Variants in PHLDB2 observed in about 807,000 individuals in gnomAD.
The protein encoded by PHLDB2 is pleckstrin homology like domain family B member 2.
PHLDB2 carries 71 observed loss-of-function variants against 123.6 expected under a neutral mutation model. That is an observed-to-expected ratio of 0.57 (90% confidence interval 0.47 to 0.70). The LOEUF (loss-of-function observed/expected upper bound fraction) is 0.70, where lower values mean the gene tolerates loss of function less well. Ranked by LOEUF, PHLDB2 falls within the 30% of genes least tolerant of loss-of-function variation. The pLI, the probability that PHLDB2 is intolerant of heterozygous loss-of-function variation, is 0.00. For synonymous variants in PHLDB2, 547 were observed against 541.6 expected (o/e 1.01, Z -0.14); for missense variants, 1,446 against 1,519.5 (o/e 0.95, Z 0.80).
chr3:111,866,276 A>G (rs932412554), intron 1 of PHLDB2, among the ~76,000 whole-genome samples: 1 of 151,912 alleles, frequency 6.6e-6, no homozygotes, highest in Non-Finnish European at 1.5e-5. Context: ...CCTCAGCATC[A>G]CAGAGTGCTG....
chr3:111,793,411 T>C (rs760040747), intron 1 of PHLDB2, among the ~76,000 whole-genome samples: 5 of 152,112 alleles, frequency 3.3e-5, no homozygotes, highest in Non-Finnish European at 5.9e-5. Context: ...CTGTTAGATC[T>C]GGGTCTCTCC....
intron 1 of PHLDB2, among the ~76,000 whole-genome samples, chr3:111,810,583 T>G (rs1308948138): frequency 6.6e-6 from 1 of 152,126 alleles, no homozygotes; most frequent in Non-Finnish European, 1.5e-5. Context: ...TAGGACCCCA[T>G]TCTTATGACC....
chr3:111,854,948 G>C (rs1347882660), upstream of PHLDB2, among the ~76,000 whole-genome samples: 1 of 152,200 alleles, frequency 6.6e-6, no homozygotes, highest in Non-Finnish European at 1.5e-5. Flanking sequence ...AATGCTCTGT[G>C]AATCTGCCCA....
At chr3:111,859,702 T>G (rs1329664670) in intron 1 of PHLDB2, 126 bp downstream of exon 1, 2 of 983,948 alleles carry the variant, frequency 2.0e-6, no homozygotes, top group African/African-American at 3.5e-5. Flanking sequence ...CTGCGGAGGG[T>G]TGGGGGCGGA....
In PHLDB2 at chr3:111,843,363, C is replaced by T. The variant is rs149722402; in HGVS notation, c.-48-2458C>T. 2.6e-3 allele frequency among the ~76,000 whole-genome samples: 398 copies of T among 152,294 alleles called. 1 individual carries two copies. Among genetic ancestry groups the T allele is most frequent in the African/African-American group, 7.2e-3 (298 of 41,550 alleles). On this transcript the variant is annotated intron_variant, in intron 1 of 17. Coordinates refer to the PHLDB2 transcript ENST00000393923. ...CTAAAGATGTTCAGTATATCTCCTTCGGAGCAATGTCTACTCAAATCCTTT... is the reference window on the plus strand; with the variant it reads ...CTAAAGATGTTCAGTATATCTCCTTTGGAGCAATGTCTACTCAAATCCTTT...
rs1312684981 is a variant in PHLDB2 at position 111,932,269 on chromosome 3, G to T, written c.2002G>T (p.Glu668Ter). 1 of 1,550,696 alleles carries T rather than the reference G, an allele frequency of 6.4e-7. No individual in the cohort carries two copies. The highest frequency in any genetic ancestry group is 8.7e-7 in the Non-Finnish European group (1 of 1,146,448). The part of the protein sequence containing the change: ...EKNIVGEKTK[E>*]KVKLDAEREK... ...CTATTTTCTGGTTTCTGAACTTCAG[G>T]AGAAGGTAAAGCTTGATGCTGAAAG... Residue 668 changes from glutamate to a stop codon, truncating the protein, a stop_gained and splice_region_variant, in exon 6 of 18, where the codon GAG (glutamate) becomes TAG (stop). Coordinates refer to ENST00000431670, the MANE Select transcript of PHLDB2 (RefSeq NM_001134438.2). LOFTEE classifies it high-confidence loss of function.
At chr3:111,973,165 A>G (rs1214138593) in intron 16 of PHLDB2, among the ~76,000 whole-genome samples, 1 of 152,180 alleles carries the variant, frequency 6.6e-6, no homozygotes, top group East Asian at 1.9e-4. Context: ...ATGTGATGAA[A>G]TCTTTGAAAA....
intron 1 of PHLDB2, among the ~76,000 whole-genome samples, chr3:111,757,960 A>T (rs1299785437): frequency 6.6e-6 from 1 of 152,014 alleles, no homozygotes; most frequent in African/African-American, 2.4e-5. Flanking sequence ...GTTCCTCTGG[A>T]AGTTTTGTCT....
chr3:111,911,161 G>A (rs1413672928), intron 2 of PHLDB2, among the ~76,000 whole-genome samples: 1 of 152,166 alleles, frequency 6.6e-6, no homozygotes, highest in African/African-American at 2.4e-5. Context: ...TGTATTCCAG[G>A]CTGAACAGAA....
chr3:111,773,179 C>T (rs994407775), intron 1 of PHLDB2, among the ~76,000 whole-genome samples: 1 of 152,160 alleles, frequency 6.6e-6, no homozygotes, highest in African/African-American at 2.4e-5. Flanking sequence ...AGTCTGAGAA[C>T]CACTTTTAGC....
chr3:111,877,300 T>G (rs2065682924), intron 1 of PHLDB2, among the ~76,000 whole-genome samples: 1 of 152,294 alleles, frequency 6.6e-6, no homozygotes, highest in Non-Finnish European at 1.5e-5. Flanking sequence ...TTGTTTTGAT[T>G]TGCATTTCTC....
At chr3:111,871,562 G>T (rs1266455361) in intron 1 of PHLDB2, among the ~76,000 whole-genome samples, 3 of 152,156 alleles carry the variant, frequency 2.0e-5, no homozygotes, top group African/African-American at 7.2e-5. Flanking sequence ...GCTGAAGTGG[G>T]AGAATGGCTT....
intron 2 of PHLDB2, chr3:111,911,685 G>C (rs769768581): frequency 6.5e-7 from 1 of 1,536,206 alleles, no homozygotes; most frequent in Non-Finnish European, 8.7e-7. Flanking sequence ...TGAGGACGGA[G>C]CTGCAGCTGG....
intron 1 of PHLDB2, among the ~76,000 whole-genome samples, chr3:111,745,871 G>C (rs570133579): frequency 9.9e-4 from 150 of 152,238 alleles, no homozygotes; most frequent in African/African-American, 3.4e-3. Flanking sequence ...CACTTGGCTA[G>C]TACTTGGGGT....
At chr3:111,865,690 G>A (rs977906796) in intron 1 of PHLDB2, among the ~76,000 whole-genome samples, 1 of 151,852 alleles carries the variant, frequency 6.6e-6, no homozygotes, top group African/African-American at 2.4e-5. Context: ...CCTATCCAGT[G>A]TTCTTTCTAC....
intron 6 of PHLDB2, among the ~76,000 whole-genome samples, chr3:111,934,603 A>G (rs1287803795): frequency 6.6e-6 from 1 of 152,196 alleles, no homozygotes; most frequent in Non-Finnish European, 1.5e-5. Context: ...TGGTCTTCCT[A>G]CCTTTAAACA....
intron 1 of PHLDB2, among the ~76,000 whole-genome samples, chr3:111,764,822 G>T (rs2060052807): frequency 6.6e-6 from 1 of 152,180 alleles, no homozygotes; most frequent in African/African-American, 2.4e-5. Flanking sequence ...CAAAGTGCAG[G>T]AAACAAGGTC....
chr3:111,808,769 A>G (rs1438372772), intron 1 of PHLDB2, among the ~76,000 whole-genome samples: 3 of 152,188 alleles, frequency 2.0e-5, no homozygotes, highest in Admixed American at 2.0e-4. Flanking sequence ...GTCTTCAAAT[A>G]TTTAATTTGT....
chr3:111,923,289 C>G (rs2068628014), intron 5 of PHLDB2, among the ~76,000 whole-genome samples: 1 of 152,192 alleles, frequency 6.6e-6, no homozygotes, highest in Admixed American at 6.5e-5. Context: ...GAGCAGCATT[C>G]AGTACAGGGG....
Sources: gnomAD v4.1 joint callset for allele counts (sites outside exome capture counted in the v4.1 genomes callset) on GRCh38, gnomAD v4.1.1 for gene constraint, MANE v1.5 for transcripts, NCBI Gene and HGNC (gene_info 2026-07-23, HGNC 2026-07-21) for gene names.